The following AQR variants were observed in gnomAD, a reference collection of about 807,000 sequenced individuals.
AQR encodes the protein RNA helicase aquarius.
AQR carries 61 observed loss-of-function variants against 180.5 expected under a neutral mutation model. The ratio of observed to expected loss-of-function variants is 0.34; its 90% CI spans 0.28 to 0.42. The LOEUF (loss-of-function observed/expected upper bound fraction) is 0.42. Among genes scored for constraint, AQR ranks in the 10% least tolerant of loss-of-function variants. The pLI is 1.00. For synonymous variants in AQR, 551 were observed against 588.8 expected, an observed-to-expected ratio of 0.94 and a Z score of 0.93; for missense variants, 1,281 against 1,798.3, an observed-to-expected ratio of 0.71 and a Z score of 5.20.
chr15:34,964,759 T>A (rs367889371), intron 1 of AQR, among the ~76,000 whole-genome samples: 16 of 146,278 alleles, frequency 1.1e-4, no homozygotes, highest in East Asian at 2.0e-4. Context: ...TAACAAAACC[T>A]AAAAAAAAAA....
intron 3 of AQR, among the ~76,000 whole-genome samples, chr15:34,958,164 T>C (rs896154085): frequency 6.6e-6 from 1 of 151,398 alleles, no homozygotes; most frequent in Non-Finnish European, 1.5e-5. Flanking sequence ...GCCGAGATCA[T>C]GCCACTGCAC....
chr15:34,963,855 G>T (rs1469055182), intron 2 of AQR, among the ~76,000 whole-genome samples: 1 of 77,222 alleles, frequency 1.3e-5, no homozygotes, highest in African/African-American at 3.9e-5. Context: ...AGTAGAGATG[G>T]GGTTTCACCG....
chr15:34,966,965 C>T (rs1481465370), intron 1 of AQR, among the ~76,000 whole-genome samples: 1 of 146,908 alleles, frequency 6.8e-6, no homozygotes, highest in Admixed American at 7.0e-5. Context: ...CAACCTCTGC[C>T]TCCTGGGTTC....
At position 34,875,924 on chromosome 15, in the gene AQR, A is replaced by G. The variant is rs1892883757; in HGVS notation, c.3237+11T>C. 5.6e-6 allele frequency: 9 copies of G among 1,595,296 alleles called. No individual in the cohort carries two copies. Among genetic ancestry groups the G allele is most frequent in the East Asian group, 2.2e-5 (1 of 44,674 alleles). ...CTCTATTTTCTTTGCCTCAGATCTT[A>G]TATTTCTTACCTGTAGAAGAAGAGG... On this transcript the variant is annotated intron_variant, in intron 28 of 34. Coordinates refer to ENST00000156471, the MANE Select transcript of AQR (RefSeq NM_014691.3).
intron 5 of AQR, among the ~76,000 whole-genome samples, chr15:34,947,919 T>C (rs988379633): frequency 6.6e-6 from 1 of 152,240 alleles, no homozygotes; most frequent in Non-Finnish European, 1.5e-5. Context: ...ATTATAGGCA[T>C]GAGTGACAGC....
At chr15:34,887,072 CAG>C (rs923578934) in intron 24 of AQR, among the ~76,000 whole-genome samples, 2 of 150,674 alleles carry the variant, frequency 1.3e-5, no homozygotes, top group Non-Finnish European at 2.9e-5. Context: ...TTGCAGTGAG[CAG>C]AGATGGCGCC....
At chr15:34,951,289 T>C (rs1894227277) in intron 4 of AQR, among the ~76,000 whole-genome samples, 1 of 152,160 alleles carries the variant, frequency 6.6e-6, no homozygotes, top group Non-Finnish European at 1.5e-5. Flanking sequence ...CTGGTTATGT[T>C]TGGAAGTTGG....
In AQR at chr15:34,854,287, G is replaced by GA. The variant is rs1162303115; in HGVS notation, c.*2504dup. 1 of 151,972 alleles carries GA rather than the reference G, an allele frequency of 6.6e-6. No individual in the cohort carries two copies. Among genetic ancestry groups the GA allele is most frequent in the South Asian group, 2.1e-4 (1 of 4,816 alleles). 9.4% of individuals were successfully genotyped at this position (151,972 alleles called of 1,614,324 possible). A position where few individuals can be genotyped will look rare whatever the true frequency, so the allele number is the denominator to read the frequency against. Reference sequence around the variant, plus strand: ...CTAAAATCATGACACATTTAGATATGAAAAATAGGATGGAGAGCAATGGGA... The same window carrying GA: ...CTAAAATCATGACACATTTAGATATGAAAAAATAGGATGGAGAGCAATGGGA... On this transcript the variant is annotated 3_prime_UTR_variant, in exon 35 of 35. Transcript: ENST00000156471.
chr15:34,918,175 T>C, intron 15 of AQR, 83 bp downstream of exon 15: 1 of 1,454,062 alleles, frequency 6.9e-7, no homozygotes, highest in Admixed American at 1.9e-5. Flanking sequence ...TAGACTCAAG[T>C]ACACTGCCTA....
intron 29 of AQR, 72 bp from the exon 30 acceptor site, chr15:34,874,071 A>G: frequency 7.4e-7 from 1 of 1,348,720 alleles, no homozygotes; most frequent in Non-Finnish European, 9.7e-7. Context: ...ATACATAAGG[A>G]GGTTTCTGTT....
At chr15:34,857,656 C>G (rs1191596800) in intron 34 of AQR, among the ~76,000 whole-genome samples, 1 of 152,152 alleles carries the variant, frequency 6.6e-6, no homozygotes, top group African/African-American at 2.4e-5. Flanking sequence ...GATGCTGAGG[C>G]AGGAGAATCA....
intron 20 of AQR, among the ~76,000 whole-genome samples, chr15:34,898,466 G>A (rs1263614773): frequency 6.6e-6 from 1 of 152,226 alleles, no homozygotes; most frequent in Non-Finnish European, 1.5e-5. Context: ...TTTTTAGCTA[G>A]GCAGTGAATA....
At chr15:34,916,842 G>A (rs1317244614) in intron 15 of AQR, among the ~76,000 whole-genome samples, 14 of 145,402 alleles carry the variant, frequency 9.6e-5, no homozygotes, top group African/African-American at 2.3e-4. Context: ...TATAGACTAC[G>A]GGAACTCTAT....
intron 4 of AQR, 142 bp downstream of exon 4, chr15:34,952,743 A>G (rs1044569900): frequency 3.1e-6 from 2 of 638,810 alleles, no homozygotes; most frequent in African/African-American, 3.8e-5. Context: ...TATCATATAC[A>G]TATTCCAAAA....
At chr15:34,920,194 T>C in intron 14 of AQR, 138 bp downstream of exon 14, 1 of 607,688 alleles carries the variant, frequency 1.6e-6, no homozygotes, top group Non-Finnish European at 2.8e-6. Context: ...CAAATGATAA[T>C]ACAATTCCAA....
chr15:34,938,810 T>C lies in AQR; in HGVS notation c.645A>G (p.Ala215=), dbSNP rs922569171. The C allele has an allele frequency of 6.9e-6, 11 of 1,604,382 alleles. No individual in the cohort carries two copies. The highest frequency in any genetic ancestry group is 8.5e-6 in the Non-Finnish European group (10 of 1,173,230). The change falls in exon 9 of 35, where the codon GCA becomes GCG. Residue 215 remains alanine, a synonymous_variant. Coordinates refer to ENST00000156471, the MANE Select transcript of AQR (RefSeq NM_014691.3). ...GTGAAAGAAATCTCCTCTCTTGATA[T>C]GCCCTAAAATCAGAAAGAACATTGA... ...EKMDPEAREQ[A]YQERRFLSQL...
Position 34,900,800 on chromosome 15 carries a change from C to T in AQR, c.2065G>A (p.Asp689Asn), listed in dbSNP as rs762754535. Residue 689 changes from aspartate (D) to asparagine (N), a missense_variant, in exon 20 of 35, where the codon GAT becomes AAT. This residue lies in a region of AQR where 28 missense variants were observed against 75.3 expected (regional missense o/e 0.37). Coordinates refer to ENST00000156471, the MANE Select transcript of AQR (RefSeq NM_014691.3). The part of the protein sequence containing the change: ...TDCVVPDWLH[D>N]IILGYGDPSS... ...GGGTCCCCATAACCTAAAATGATAT[C>T]GTGCAGCCAGTCAGGTACCACACAA... is the stretch of plus-strand genomic sequence containing the variant. The T allele has an allele frequency of 1.5e-5, 24 of 1,613,888 alleles. No homozygotes were observed. In the Admixed American group the frequency reaches 2.8e-4, roughly 19 times the overall value.
At chr15:34,967,030 C>T (rs570480087) in intron 1 of AQR, among the ~76,000 whole-genome samples, 2 of 152,120 alleles carry the variant, frequency 1.3e-5, no homozygotes, top group South Asian at 4.2e-4. Context: ...GCATGCACCA[C>T]CACGTCCGGC....
At chr15:34,894,723 G>T (rs1893204274) in intron 22 of AQR, among the ~76,000 whole-genome samples, 1 of 152,094 alleles carries the variant, frequency 6.6e-6, no homozygotes, top group Non-Finnish European at 1.5e-5. Flanking sequence ...AAAGGGGAAG[G>T]AAGGTAAAGG....
Sources: gnomAD v4.1 joint callset for allele counts (sites outside exome capture counted in the v4.1 genomes callset) on GRCh38, gnomAD v4.1.1 for gene constraint, gnomAD v4.1.1 regional missense constraint, MANE v1.5 for transcripts, NCBI Gene and HGNC (gene_info 2026-07-23, HGNC 2026-07-21) for gene names.